The following SMYD3 variants were observed in gnomAD, a reference collection of about 807,000 sequenced individuals.
SMYD3 encodes histone-lysine N-methyltransferase SMYD3.
SMYD3 carries 36 observed loss-of-function variants against 57.7 expected under a neutral mutation model. The ratio of observed to expected loss-of-function variants is 0.62; its 90% CI spans 0.48 to 0.82. The LOEUF is 0.82. SMYD3 is among the 40% of genes least tolerant of loss of function. The probability of loss-of-function intolerance (pLI) is 0.00; values close to 1 mark genes in which losing one functional copy is unlikely to be tolerated. For synonymous variants in SMYD3, 211 were observed against 195.0 expected, an observed-to-expected ratio of 1.08 and a Z score of -0.68; for missense variants, 515 against 538.8, an observed-to-expected ratio of 0.96 and a Z score of 0.44.
intron 5 of SMYD3, among the ~76,000 whole-genome samples, chr1:246,031,518 A>G (rs181183633): frequency 6.6e-6 from 1 of 152,250 alleles, no homozygotes; most frequent in East Asian, 1.9e-4. Flanking sequence ...CAGGCAGATC[A>G]CGAAGTCAGG....
At chr1:246,399,929 T>G (rs929863057) in intron 1 of SMYD3, among the ~76,000 whole-genome samples, 6 of 152,192 alleles carry the variant, frequency 3.9e-5, no homozygotes, top group African/African-American at 1.4e-4. Flanking sequence ...TTTGTTATAT[T>G]CTCACTGTAT....
intron 5 of SMYD3, among the ~76,000 whole-genome samples, chr1:246,270,128 TTA>T (rs34958121): frequency 0.33 from 50,778 of 151,900 alleles, 9,331 homozygotes; most frequent in East Asian, 0.72. Flanking sequence ...GAACTGGACA[TTA>T]TAGCCCTACC....
chr1:246,337,601 C>T (rs570320613), intron 2 of SMYD3, among the ~76,000 whole-genome samples: 2 of 152,152 alleles, frequency 1.3e-5, no homozygotes, highest in South Asian at 2.1e-4. Flanking sequence ...TAGGCAGGAA[C>T]GGATAACATA....
chr1:246,255,983 T>TAGACAGACAGACAGAC (rs1406336278), intron 5 of SMYD3, among the ~76,000 whole-genome samples: 1 of 138,024 alleles, frequency 7.2e-6, no homozygotes, highest in African/African-American at 2.8e-5. Flanking sequence ...GATAGATAGA[T>TAGACAGACAGACAGAC]AGATACACAC....
At chr1:246,347,423 G>A (rs1328272099) in intron 2 of SMYD3, among the ~76,000 whole-genome samples, 1 of 152,190 alleles carries the variant, frequency 6.6e-6, no homozygotes, top group Non-Finnish European at 1.5e-5. Context: ...TTAAAATACT[G>A]AGAGAAGCCA....
intron 3 of SMYD3, among the ~76,000 whole-genome samples, chr1:246,331,564 G>C (rs1190813163): frequency 6.8e-6 from 1 of 148,044 alleles, no homozygotes; most frequent in Non-Finnish European, 1.5e-5. Flanking sequence ...ATGATTAATA[G>C]GAAAAGAACA....
intron 1 of SMYD3, among the ~76,000 whole-genome samples, chr1:246,473,169 T>C (rs1165116939): frequency 6.6e-6 from 1 of 152,188 alleles, no homozygotes; most frequent in East Asian, 1.9e-4. Flanking sequence ...ATGAATCTTT[T>C]TCATTCCCTC....
At chr1:245,870,654 C>T (rs2052135707) in intron 8 of SMYD3, among the ~76,000 whole-genome samples, 1 of 152,182 alleles carries the variant, frequency 6.6e-6, no homozygotes, top group African/African-American at 2.4e-5. Context: ...TATCACTCAA[C>T]ACGGTTACAT....
intron 2 of SMYD3, among the ~76,000 whole-genome samples, chr1:246,352,720 A>T (rs960044788): frequency 2.0e-5 from 3 of 152,208 alleles, no homozygotes; most frequent in African/African-American, 2.4e-5. Flanking sequence ...AATCAAAATG[A>T]CATACCCACC....
intron 5 of SMYD3, among the ~76,000 whole-genome samples, chr1:245,955,310 T>C (rs1477462139): frequency 6.6e-6 from 1 of 152,224 alleles, no homozygotes; most frequent in Non-Finnish European, 1.5e-5. Context: ...TTAGCCAGGA[T>C]GGTCTCGATC....
At chr1:246,398,258 A>G (rs1469799346) in intron 1 of SMYD3, among the ~76,000 whole-genome samples, 1 of 152,224 alleles carries the variant, frequency 6.6e-6, no homozygotes, top group Non-Finnish European at 1.5e-5. Context: ...TCAGTCCCTG[A>G]GCAAGAAGGG....
chr1:245,798,399 C>CACATACACACACAT (rs2047659602), intron 10 of SMYD3, among the ~76,000 whole-genome samples: 2 of 84,404 alleles, frequency 2.4e-5, no homozygotes, highest in African/African-American at 1.0e-4. Flanking sequence ...CGCACACACA[C>CACATACACACACAT]ACACACATAC....
At chr1:245,960,890 T>C (rs1470793901) in intron 5 of SMYD3, among the ~76,000 whole-genome samples, 1 of 152,208 alleles carries the variant, frequency 6.6e-6, no homozygotes, top group Non-Finnish European at 1.5e-5. Context: ...ATTTTCACAT[T>C]TGGAAGTTCA....
At chr1:245,922,921 G>A (rs904968337) in intron 7 of SMYD3, among the ~76,000 whole-genome samples, 9 of 152,034 alleles carry the variant, frequency 5.9e-5, no homozygotes, top group African/African-American at 1.9e-4. Flanking sequence ...GACTACTTAG[G>A]TCTTACTCAA....
chr1:246,411,520 G>C (rs181307217), intron 1 of SMYD3, among the ~76,000 whole-genome samples: 4 of 152,052 alleles, frequency 2.6e-5, no homozygotes, highest in Non-Finnish European at 5.9e-5. Flanking sequence ...AAAGACACAC[G>C]CACACATATG....
intron 5 of SMYD3, among the ~76,000 whole-genome samples, chr1:246,123,613 C>CACAT (rs2061459199): frequency 6.8e-6 from 1 of 146,870 alleles, no homozygotes; most frequent in African/African-American, 2.6e-5. Flanking sequence ...CACACACACA[C>CACAT]ACACACAAAT....
chr1:245,956,419 G>C (rs1243628512), intron 5 of SMYD3, among the ~76,000 whole-genome samples: 2 of 152,220 alleles, frequency 1.3e-5, no homozygotes, highest in Non-Finnish European at 2.9e-5. Flanking sequence ...GCAGTGGACA[G>C]GCAGGAAATA....
chr1:246,483,501 C>T (rs7539985), intron 1 of SMYD3: 149,018 of 152,340 alleles, frequency 0.98, 72,927 homozygotes, highest in Non-Finnish European at 0.99. Context: ...CACTGTTTTA[C>T]GCAAATACAA....
At chr1:246,491,482 G>A (rs1367898716) in intron 1 of SMYD3, among the ~76,000 whole-genome samples, 1 of 151,550 alleles carries the variant, frequency 6.6e-6, no homozygotes, top group African/African-American at 2.4e-5. Flanking sequence ...GGAGGTGGCA[G>A]TGAGCCGAGA....
Sources: allele counts gnomAD v4.1 joint callset (sites outside exome capture counted in the v4.1 genomes callset), GRCh38; gene constraint gnomAD v4.1.1; transcripts MANE v1.5; gene names NCBI Gene and HGNC (gene_info 2026-07-23, HGNC 2026-07-21).